HS3ST5: variants seen among roughly 807,000 people sequenced by gnomAD.
HS3ST5 encodes heparan sulfate glucosamine 3-O-sulfotransferase 5.
HS3ST5 carries 10 observed loss-of-function variants against 25.4 expected under a neutral mutation model. That is an observed-to-expected ratio of 0.39 (90% confidence interval 0.24 to 0.67). HS3ST5 has a LOEUF of 0.67. Among genes scored for constraint, HS3ST5 ranks in the 30% least tolerant of loss-of-function variants. HS3ST5 has a pLI of 0.44. For synonymous variants in HS3ST5, 170 were observed against 162.4 expected (o/e 1.05, Z -0.36); for missense variants, 324 against 420.7 (o/e 0.77, Z 2.01).
At chr6:114,142,453 T>G (rs1582646497) in intron 3 of HS3ST5, among the ~76,000 whole-genome samples, 1 of 151,958 alleles carries the variant, frequency 6.6e-6, no homozygotes, top group South Asian at 2.1e-4. Flanking sequence ...GGCTCACGAG[T>G]GAGTCATGGG....
At chr6:114,338,098 A>T (rs189288971) in intron 1 of HS3ST5, among the ~76,000 whole-genome samples, 3,017 of 152,002 alleles carry the variant, frequency 0.02, 47 homozygotes, top group Middle Eastern at 0.071. Context: ...TAAATTATTT[A>T]AAAAAAGTAT....
chr6:114,067,044 T>C (rs1398652823), intron 3 of HS3ST5, among the ~76,000 whole-genome samples: 1 of 152,188 alleles, frequency 6.6e-6, no homozygotes, highest in Non-Finnish European at 1.5e-5. Flanking sequence ...CCTGCACTGT[T>C]CTCCATATGC....
intron 1 of HS3ST5, among the ~76,000 whole-genome samples, chr6:114,287,082 C>T (rs185087992): frequency 6.6e-6 from 1 of 151,578 alleles, no homozygotes; most frequent in African/African-American, 2.4e-5. Flanking sequence ...AATAACATAA[C>T]CTTTATTCAA....
chr6:114,086,041 T>C (rs999586723), intron 3 of HS3ST5, among the ~76,000 whole-genome samples: 1 of 149,868 alleles, frequency 6.7e-6, no homozygotes, highest in Admixed American at 6.7e-5. Context: ...TAGCAACAAA[T>C]GCTTCTTTCA....
intron 1 of HS3ST5, among the ~76,000 whole-genome samples, chr6:114,321,051 G>C (rs1227110974): frequency 6.6e-6 from 1 of 151,706 alleles, no homozygotes; most frequent in Non-Finnish European, 1.5e-5. Flanking sequence ...GGCATGAACA[G>C]GCATATTTCT....
chr6:114,326,539 G>A (rs1040787881), intron 1 of HS3ST5, among the ~76,000 whole-genome samples: 1 of 152,184 alleles, frequency 6.6e-6, no homozygotes, highest in Non-Finnish European at 1.5e-5. Flanking sequence ...AACTAGCACA[G>A]TAATTAGAGC....
chr6:114,110,117 C>T (rs1401073791), intron 3 of HS3ST5, among the ~76,000 whole-genome samples: 4 of 152,138 alleles, frequency 2.6e-5, no homozygotes, highest in South Asian at 2.1e-4. Flanking sequence ...ACAAAATATT[C>T]ACCTCTTGGG....
intron 3 of HS3ST5, among the ~76,000 whole-genome samples, chr6:114,085,415 G>A (rs1221304870): frequency 6.6e-6 from 1 of 151,992 alleles, no homozygotes; most frequent in Non-Finnish European, 1.5e-5. Flanking sequence ...GACCAATTTG[G>A]GATTATGAAT....
chr6:114,283,487 A>T (rs1774210706), intron 1 of HS3ST5, among the ~76,000 whole-genome samples: 1 of 151,938 alleles, frequency 6.6e-6, no homozygotes, highest in East Asian at 1.9e-4. Context: ...AAATTAACAT[A>T]TTTTTGCTAT....
intron 1 of HS3ST5, among the ~76,000 whole-genome samples, chr6:114,331,985 A>C (rs1370878782): frequency 2.6e-5 from 4 of 152,000 alleles, no homozygotes. Flanking sequence ...TAATATGATT[A>C]TTAGATATAA....
intron 1 of HS3ST5, among the ~76,000 whole-genome samples, chr6:114,324,721 TG>T (rs1263510277): frequency 6.6e-6 from 1 of 152,230 alleles, no homozygotes; most frequent in Non-Finnish European, 1.5e-5. Flanking sequence ...GTACCATCAC[TG>T]TATAGTGGTG....
chr6:114,279,901 C>T (rs1318719992), intron 1 of HS3ST5, among the ~76,000 whole-genome samples: 1 of 151,940 alleles, frequency 6.6e-6, no homozygotes, highest in Admixed American at 6.6e-5. Flanking sequence ...GTGAATCCTG[C>T]TCCCTGACCT....
intron 2 of HS3ST5, among the ~76,000 whole-genome samples, chr6:114,194,336 C>T (rs1019752564): frequency 5.9e-5 from 9 of 152,270 alleles, no homozygotes; most frequent in Middle Eastern, 3.4e-3. Flanking sequence ...ACTGGATGAA[C>T]GAACTGTTGG....
chr6:114,274,909 A>T lies in HS3ST5; in HGVS notation c.-338-46131T>A, dbSNP rs141713238. On this transcript the variant is annotated intron_variant, in intron 1 of 4. Coordinates refer to ENST00000312719, the MANE Select transcript of HS3ST5 (RefSeq NM_153612.4). ...TAGTTCCCTGACTATACAACTATGT[A>T]TACAACTATACACCTGACTATACAA... Among the ~76,000 whole-genome samples the T allele has an allele frequency of 2.9e-3, 441 of 150,716 alleles. 2 individuals carry two copies. Among genetic ancestry groups the T allele is most frequent in the Middle Eastern group, 3.8e-3 (1 of 264 alleles).
At chr6:114,119,321 GA>G (rs1562204149) in intron 3 of HS3ST5, among the ~76,000 whole-genome samples, 1 of 152,230 alleles carries the variant, frequency 6.6e-6, no homozygotes, top group Non-Finnish European at 1.5e-5. Flanking sequence ...CCATTTGATA[GA>G]TGACAGAACT....
chr6:114,217,865 C>G (rs1246430981), intron 2 of HS3ST5, among the ~76,000 whole-genome samples: 3 of 152,226 alleles, frequency 2.0e-5, no homozygotes, highest in African/African-American at 7.2e-5. Flanking sequence ...GGCTCTACCA[C>G]TAACCTGGAA....
chr6:114,257,883 T>C (rs1209536760), intron 1 of HS3ST5, among the ~76,000 whole-genome samples: 1 of 152,068 alleles, frequency 6.6e-6, no homozygotes, highest in Non-Finnish European at 1.5e-5. Flanking sequence ...ACTACAGGCA[T>C]GTGCTACCAC....
chr6:114,207,719 G>A (rs1781336312), intron 2 of HS3ST5, among the ~76,000 whole-genome samples: 1 of 152,000 alleles, frequency 6.6e-6, no homozygotes, highest in South Asian at 2.1e-4. Context: ...AAAAATCTTG[G>A]TGATACATAA....
chr6:114,125,879 C>T (rs1171878096), intron 3 of HS3ST5, among the ~76,000 whole-genome samples: 1 of 152,176 alleles, frequency 6.6e-6, no homozygotes, highest in African/African-American at 2.4e-5. Context: ...TATCCAGGCT[C>T]TCTTTTGAAG....
Sources: gnomAD v4.1 joint callset for allele counts (sites outside exome capture counted in the v4.1 genomes callset) on GRCh38, gnomAD v4.1.1 for gene constraint, MANE v1.5 for transcripts, NCBI Gene and HGNC (gene_info 2026-07-23, HGNC 2026-07-21) for gene names.